Variants in TRHDE observed in about 807,000 individuals in gnomAD.
The protein encoded by TRHDE is thyrotropin releasing hormone degrading enzyme, also known as thyrotropin-releasing hormone-degrading ectoenzyme.
Under a neutral mutation model 125.7 loss-of-function variants are expected in TRHDE, and 72 were observed. The ratio of observed to expected loss-of-function variants is 0.57; its 90% CI spans 0.47 to 0.70. TRHDE has a LOEUF of 0.70. Among genes scored for constraint, TRHDE ranks in the 30% least tolerant of loss-of-function variants. The pLI is 0.00. For missense variants in TRHDE, 1,110 were observed against 1,327.1 expected (o/e 0.84, Z 2.54); for synonymous variants, 509 against 509.1 (o/e 1.00, Z 0.00).
At chr12:72,523,848 C>T (rs980987801) in intron 6 of TRHDE, among the ~76,000 whole-genome samples, 3 of 152,082 alleles carry the variant, frequency 2.0e-5, no homozygotes, top group African/African-American at 7.2e-5. Context: ...GTTTTAGTTC[C>T]CTGGACGATA....
intron 2 of TRHDE, among the ~76,000 whole-genome samples, chr12:72,363,478 A>G (rs1871208337): frequency 6.6e-6 from 1 of 152,068 alleles, no homozygotes; most frequent in African/African-American, 2.4e-5. Flanking sequence ...ACGCAAATCA[A>G]TAAATGTAAT....
At chr12:72,326,004 G>A (rs1383441191) in intron 2 of TRHDE, among the ~76,000 whole-genome samples, 1 of 152,130 alleles carries the variant, frequency 6.6e-6, no homozygotes, top group African/African-American at 2.4e-5. Context: ...GATCAATTCA[G>A]TTCTCCAAGT....
At chr12:72,503,714 T>C (rs1342153510) in intron 6 of TRHDE, among the ~76,000 whole-genome samples, 4 of 152,222 alleles carry the variant, frequency 2.6e-5, no homozygotes, top group African/African-American at 9.6e-5. Flanking sequence ...TCTGACTTAA[T>C]TTCTAGATGA....
At chr12:72,636,905 C>T (rs1281447851) in intron 15 of TRHDE, among the ~76,000 whole-genome samples, 1 of 151,946 alleles carries the variant, frequency 6.6e-6, no homozygotes, top group East Asian at 1.9e-4. Context: ...ATTCGTTTTG[C>T]CAGTATTTTA....
chr12:72,410,866 C>T (rs575828439), intron 3 of TRHDE, among the ~76,000 whole-genome samples: 1 of 144,460 alleles, frequency 6.9e-6, no homozygotes, highest in Non-Finnish European at 1.5e-5. Flanking sequence ...ATAAGATAAG[C>T]AGATAAAAAA....
At chr12:72,088,131 C>T (rs1490231812) in intron 1 of TRHDE, among the ~76,000 whole-genome samples, 1 of 152,068 alleles carries the variant, frequency 6.6e-6, no homozygotes, top group Admixed American at 6.6e-5. Flanking sequence ...ATCTTGGGTG[C>T]TTAGGCTGAG....
At chr12:72,349,697 A>C (rs1335239952) in intron 2 of TRHDE, among the ~76,000 whole-genome samples, 1 of 151,996 alleles carries the variant, frequency 6.6e-6, no homozygotes. Flanking sequence ...TTGCATTTGC[A>C]ATTCTTGTCA....
intron 17 of TRHDE, among the ~76,000 whole-genome samples, chr12:72,655,226 C>T (rs1198847485): frequency 6.6e-6 from 1 of 152,088 alleles, no homozygotes; most frequent in Non-Finnish European, 1.5e-5. Flanking sequence ...ACATACACCA[C>T]CACACCCGGC....
At chr12:72,657,824 G>T (rs538493828) in intron 18 of TRHDE, among the ~76,000 whole-genome samples, 1 of 152,062 alleles carries the variant, frequency 6.6e-6, no homozygotes, top group Non-Finnish European at 1.5e-5. Flanking sequence ...ACAATGGATC[G>T]CACTTCAAAC....
At chr12:72,195,829 T>G (rs555626718) in intron 2 of TRHDE, among the ~76,000 whole-genome samples, 1 of 152,104 alleles carries the variant, frequency 6.6e-6, no homozygotes, top group East Asian at 1.9e-4. Flanking sequence ...GTTTCCTGGG[T>G]TTTCTTCTAG....
intron 2 of TRHDE, among the ~76,000 whole-genome samples, chr12:72,335,148 T>C (rs1434472479): frequency 1.3e-5 from 2 of 152,158 alleles, no homozygotes; most frequent in African/African-American, 2.4e-5. Context: ...GTTAAACTTA[T>C]ACTCAAAATG....
intron 3 of TRHDE, among the ~76,000 whole-genome samples, chr12:72,463,424 G>A (rs917110546): frequency 6.6e-6 from 1 of 152,200 alleles, no homozygotes; most frequent in Non-Finnish European, 1.5e-5. Context: ...CTGGAAGGCA[G>A]AAATTGGCTG....
At chr12:72,484,131 T>A (rs1238703942) in intron 5 of TRHDE, among the ~76,000 whole-genome samples, 1 of 152,092 alleles carries the variant, frequency 6.6e-6, no homozygotes, top group African/African-American at 2.4e-5. Context: ...CATTTAAAAA[T>A]GCTCTGAATT....
At chr12:72,423,245 T>C (rs1353539957) in intron 3 of TRHDE, among the ~76,000 whole-genome samples, 1 of 152,156 alleles carries the variant, frequency 6.6e-6, no homozygotes, top group African/African-American at 2.4e-5. Flanking sequence ...TAAGCTATGG[T>C]GTTTGGTAGG....
In TRHDE at chr12:72,654,155, C is replaced by A. The variant is rs377136262; in HGVS notation, c.2984+999C>A. 4.9e-4 allele frequency among the ~76,000 whole-genome samples: 75 copies of A among 152,222 alleles called. 1 individual carries two copies. The South Asian group carries it at 0.015, about 31-fold the overall frequency. ...AAAATTAATGTATACAAACATTTAA[C>A]TTAAAAGAATATCAAACATCTACCA... On this transcript the variant is annotated intron_variant, in intron 17 of 18. Coordinates refer to ENST00000261180, the MANE Select transcript of TRHDE (RefSeq NM_013381.3).
At chr12:72,542,886 A>G (rs1321326081) in intron 7 of TRHDE, among the ~76,000 whole-genome samples, 1 of 151,404 alleles carries the variant, frequency 6.6e-6, no homozygotes, top group Non-Finnish European at 1.5e-5. Context: ...AGTTTTTATC[A>G]TAATGTGTTT....
chr12:72,477,337 T>G (rs2135907920), intron 5 of TRHDE, among the ~76,000 whole-genome samples: 1 of 152,326 alleles, frequency 6.6e-6, no homozygotes, highest in South Asian at 2.1e-4. Context: ...CAAAATAAAC[T>G]TGGTATCTAG....
At position 72,273,189 on chromosome 12, in the gene TRHDE, G is replaced by A; in HGVS notation, c.546G>A (p.Thr182=). The change falls in exon 1 of 19, where the codon ACG becomes ACA. Residue 182 remains threonine (T), a synonymous_variant. Coordinates refer to ENST00000261180, the MANE Select transcript of TRHDE (RefSeq NM_013381.3). This position sits in a 1 kb window ranked among gnomAD's most constrained non-coding sequence, Gnocchi z 5.3. ...EEEREPWEPW[T]QLRLSGHLKP... ...AGCGGGAGCCGTGGGAGCCGTGGAC[G>A]CAGCTGCGCCTGTCGGGCCACCTGA... 1.3e-6 allele frequency: 2 copies of A among 1,597,890 alleles called. No homozygotes were observed. The highest frequency in any genetic ancestry group is 8.6e-7 in the Non-Finnish European group (1 of 1,168,742).
intron 2 of TRHDE, among the ~76,000 whole-genome samples, chr12:72,306,003 T>TA: frequency 6.6e-6 from 1 of 152,316 alleles, no homozygotes; most frequent in East Asian, 1.9e-4. Flanking sequence ...TTGCCAGGCT[T>TA]ACTACCAGTG....
Sources: allele counts gnomAD v4.1 joint callset (sites outside exome capture counted in the v4.1 genomes callset), GRCh38; gene constraint gnomAD v4.1.1; non-coding constraint Gnocchi (gnomAD v3.1); transcripts MANE v1.5; gene names NCBI Gene and HGNC (gene_info 2026-07-23, HGNC 2026-07-21).